ASMT: variants seen among roughly 807,000 people sequenced by gnomAD.
ASMT encodes acetylserotonin N-methyltransferase.
A neutral mutation model predicts 41.3 loss-of-function variants in ASMT; 53 were observed. That is an observed-to-expected ratio of 1.28 (90% CI 1.03 to 1.61). The LOEUF (loss-of-function observed/expected upper bound fraction) is 1.61. Among genes scored for constraint, ASMT ranks in the 40% most tolerant of loss-of-function variants. ASMT has a pLI of 0.00. For synonymous variants in ASMT, 231 were observed against 184.8 expected, an observed-to-expected ratio of 1.25 and a Z score of -2.03; for missense variants, 531 against 441.3, an observed-to-expected ratio of 1.20 and a Z score of -1.82.
intron 7 of ASMT, among the ~76,000 whole-genome samples, chrX:1,635,486 G>A (rs778681684): frequency 7.2e-5 from 11 of 152,224 alleles, no homozygotes; most frequent in South Asian, 2.1e-4. Context: ...GCTGCTGACC[G>A]AATTCCCAGG....
chrX:1,624,565 A>C (rs367706907), intron 3 of ASMT, 167 bp downstream of exon 3: 139 of 759,870 alleles, frequency 1.8e-4, no homozygotes, highest in African/African-American at 1.5e-3. Flanking sequence ...TGGGGGCTGC[A>C]CCCAGGCAGA....
chrX:1,636,151 G>A (rs1333016664), intron 7 of ASMT: 1 of 423,750 alleles, frequency 2.4e-6, no homozygotes, highest in Admixed American at 3.4e-5. Flanking sequence ...TAGAGACAGG[G>A]TTTCACCGTG....
In ASMT at chrX:1,623,327, C is replaced by G; in HGVS notation, c.244+14C>G. ...GGGGAGGAAAAGGTGAGGACACGGG[C>G]GTTTTGAAGGAGGCATTTTACATAG... is the stretch of plus-strand genomic sequence containing the variant. On this transcript the variant is annotated intron_variant, in intron 2 of 8. Transcript: ENST00000381241. 1 of 1,613,772 alleles carries G rather than the reference C, an allele frequency of 6.2e-7. No individual in the cohort carries two copies. The highest frequency in any genetic ancestry group is 8.5e-7 in the Non-Finnish European group (1 of 1,179,828).
At chrX:1,616,698 C>G (rs1265788365) in intron 1 of ASMT, among the ~76,000 whole-genome samples, 1 of 151,046 alleles carries the variant, frequency 6.6e-6, no homozygotes, top group Non-Finnish European at 1.5e-5. Context: ...AGTGAGACCC[C>G]CCATTTCTAC....
In ASMT at chrX:1,642,916, C is replaced by T. The variant is rs774937239; in HGVS notation, c.1024C>T (p.Pro342Ser). Residue 342 changes from proline (P) to serine (S), a missense_variant, in exon 9 of 9, where the codon CCC (proline) becomes TCC (serine). Coordinates refer to ENST00000381241, the MANE Select transcript of ASMT (RefSeq NM_001171038.2). ...LVQTEGQERT[P>S]THYHMLLSSA... Reference sequence around the variant, plus strand: ...GCAGACGGAAGGGCAGGAGAGGACCCCCACCCACTACCACATGCTCCTCTC... The same window carrying T: ...GCAGACGGAAGGGCAGGAGAGGACCTCCACCCACTACCACATGCTCCTCTC... 1.2e-6 allele frequency: 2 copies of T among 1,613,970 alleles called. No individual in the cohort carries two copies. Among genetic ancestry groups the T allele is most frequent in the Non-Finnish European group, 1.7e-6 (2 of 1,179,878 alleles).
chrX:1,617,919 G>T (rs1373870242), intron 1 of ASMT, among the ~76,000 whole-genome samples: 1 of 152,112 alleles, frequency 6.6e-6, no homozygotes, highest in Non-Finnish European at 1.5e-5. Flanking sequence ...ATGGTTGAAG[G>T]GAACACCACA....
intron 4 of ASMT, among the ~76,000 whole-genome samples, chrX:1,628,723 C>G (rs527249566): frequency 6.6e-6 from 1 of 151,024 alleles, no homozygotes; most frequent in Non-Finnish European, 1.5e-5. Context: ...TCCCCCTCCT[C>G]TCTCCCATCT....
chrX:1,621,842 T>C (rs1934347490), intron 1 of ASMT, among the ~76,000 whole-genome samples: 1 of 145,408 alleles, frequency 6.9e-6, no homozygotes, highest in Non-Finnish European at 1.5e-5. Flanking sequence ...ATTACAGGCA[T>C]GCACCACCAC....
chrX:1,625,728 G>A lies in ASMT; in HGVS notation c.374+1330G>A, dbSNP rs764109698. ...CCAGCACTTTGGGAGGCTGAGGCGG[G>A]CGGATCACGAGGTCAGGAGATCGAG... is the stretch of plus-strand genomic sequence containing the variant. On this transcript the variant is annotated intron_variant, in intron 3 of 8. Coordinates refer to ENST00000381241, the MANE Select transcript of ASMT (RefSeq NM_001171038.2). Among the ~76,000 whole-genome samples the A allele has an allele frequency of 2.2e-3, 336 of 151,814 alleles. 1 individual carries two copies. The highest frequency in any genetic ancestry group is 0.013 in the South Asian group (61 of 4,804).
chrX:1,636,903 GGC>G (rs1569384124), intron 8 of ASMT, among the ~76,000 whole-genome samples: 57 of 143,080 alleles, frequency 4.0e-4, no homozygotes, highest in African/African-American at 1.3e-3. Flanking sequence ...TGAGGATGTG[GGC>G]ACAGCCTCTG....
At chrX:1,621,059 G>A (rs762365489) in intron 1 of ASMT, among the ~76,000 whole-genome samples, 2 of 152,196 alleles carry the variant, frequency 1.3e-5, no homozygotes, top group East Asian at 1.9e-4. Flanking sequence ...TTGCACCGCT[G>A]CACTCCAGCC....
rs763513429 is a variant in ASMT, at chrX:1,633,196, A to T, written c.693A>T (p.Gly231=). ...LAKECMSLYP[G]CKITVFDIPE... ...AGGAATGCATGTCTCTGTACCCTGGATGTAAGATCACCGTTTTTGACATCC... is the reference window on the plus strand; with the variant it reads ...AGGAATGCATGTCTCTGTACCCTGGTTGTAAGATCACCGTTTTTGACATCC... Residue 231 remains glycine, a synonymous_variant, in exon 7 of 9, where the codon GGA becomes GGT. Transcript: ENST00000381241. 14 of 1,613,632 alleles carry T rather than the reference A, an allele frequency of 8.7e-6. No homozygotes were observed. The African/African-American group carries it at 1.9e-4, about 22-fold the overall frequency.
chrX:1,636,979 ATGTGGG>A lies in ASMT; in HGVS notation c.910+420_910+425del. Among the ~76,000 whole-genome samples the A allele has an allele frequency of 1.2e-4, 9 of 72,934 alleles. 1 individual carries two copies. Among genetic ancestry groups the A allele is most frequent in the Non-Finnish European group, 1.6e-4 (6 of 37,246 alleles). 47.8% of individuals were successfully genotyped at this position (72,934 alleles called of 152,430 possible). On this transcript the variant is annotated intron_variant, in intron 8 of 8. Coordinates refer to ENST00000381241, the MANE Select transcript of ASMT (RefSeq NM_001171038.2). Reference sequence around the variant, plus strand: ...CCATCCATCCTGATGGCACATGAGGATGTGGGCACAGCCTCTGTGTGTGATGGGGAC... The same window carrying A: ...CCATCCATCCTGATGGCACATGAGGACACAGCCTCTGTGTGTGATGGGGAC...
At chrX:1,636,653 A>C in intron 8 of ASMT, 93 bp downstream of exon 8, 1 of 1,600,338 alleles carries the variant, frequency 6.2e-7, no homozygotes, top group Non-Finnish European at 8.6e-7. Flanking sequence ...AAATCATCCC[A>C]CAGGTAAGGG....
chrX:1,628,474 A>G (rs759404280), intron 4 of ASMT, among the ~76,000 whole-genome samples: 1 of 152,040 alleles, frequency 6.6e-6, no homozygotes, highest in African/African-American at 2.4e-5. Context: ...TCCCAGATGG[A>G]GGTGAATTGA....
chrX:1,627,554 G>C, intron 3 of ASMT, 149 bp from the exon 4 acceptor site: 1 of 832,122 alleles, frequency 1.2e-6, no homozygotes, highest in Non-Finnish European at 2.1e-6. Context: ...CCAGAAGGCA[G>C]AGGTTGCAGT....
chrX:1,629,537 T>C (rs1181883774), intron 4 of ASMT, among the ~76,000 whole-genome samples: 3 of 152,210 alleles, frequency 2.0e-5, no homozygotes, highest in Non-Finnish European at 4.4e-5. Context: ...TTGACTTTCC[T>C]CTTAGAAAAC....
chrX:1,642,409 A>C (rs1412398593), intron 8 of ASMT, among the ~76,000 whole-genome samples: 2 of 150,898 alleles, frequency 1.3e-5, no homozygotes, highest in African/African-American at 4.9e-5. Flanking sequence ...ATGGTTCATG[A>C]GGACGTGGGC....
chrX:1,624,226 G>C, intron 2 of ASMT, 43 bp from the exon 3 acceptor site: 1 of 1,613,412 alleles, frequency 6.2e-7, no homozygotes, highest in Non-Finnish European at 8.5e-7. Context: ...GCAGGAACTC[G>C]GAATCTCACT....
Sources: allele counts gnomAD v4.1 joint callset (sites outside exome capture counted in the v4.1 genomes callset), GRCh38; gene constraint gnomAD v4.1.1; transcripts MANE v1.5; gene names NCBI Gene and HGNC (gene_info 2026-07-23, HGNC 2026-07-21).